Variants in KLF8 observed in about 807,000 individuals in gnomAD.
KLF8 encodes the protein KLF transcription factor 8.
In KLF8, 10 loss-of-function variants were observed where a neutral mutation model predicts 18.2. The ratio of observed to expected loss-of-function variants is 0.55; its 90% CI spans 0.34 to 0.93. The LOEUF is 0.93. Ranked by LOEUF, KLF8 falls within the 40% of genes least tolerant of loss-of-function variation. The probability of loss-of-function intolerance (pLI) is 0.02; values close to 1 mark genes in which losing one functional copy is unlikely to be tolerated. For synonymous variants in KLF8, 109 were observed against 97.3 expected, an observed-to-expected ratio of 1.12 and a Z score of -0.71; for missense variants, 264 against 277.9, an observed-to-expected ratio of 0.95 and a Z score of 0.36.
chrX:56,114,287 A>C, the KLF8 span, among the ~76,000 whole-genome samples: 3 of 112,370 alleles, frequency 2.7e-5, no homozygotes, highest in Non-Finnish European at 3.8e-5. Context: ...CGGTCATCTT[A>C]GGCCATCTCC....
At chrX:55,984,391 G>A in the KLF8 span, among the ~76,000 whole-genome samples, 1 of 111,447 alleles carries the variant, frequency 9.0e-6, no homozygotes, top group Non-Finnish European at 1.9e-5. Context: ...AGTTTGCTGA[G>A]GATAATGGCT....
chrX:56,255,921 T>C (rs1009911607), intron 2 of KLF8, among the ~76,000 whole-genome samples: 2 of 111,608 alleles, frequency 1.8e-5, no homozygotes, highest in African/African-American at 6.5e-5. Context: ...TGGAAATAGT[T>C]CCTCCTCTAT....
chrX:56,117,992 G>A, the KLF8 span, among the ~76,000 whole-genome samples: 3 of 111,658 alleles, frequency 2.7e-5, no homozygotes, highest in Non-Finnish European at 5.6e-5. Flanking sequence ...GAAGGGGCAA[G>A]CAACCTCTCT....
chrX:56,056,542 T>C, the KLF8 span, among the ~76,000 whole-genome samples: 8 of 100,454 alleles, frequency 8.0e-5, no homozygotes, highest in Admixed American at 2.2e-4. Flanking sequence ...AGTAAACTAT[T>C]GCAAGAACAA....
At chrX:56,154,819 G>A in the KLF8 span, among the ~76,000 whole-genome samples, 11 of 111,906 alleles carry the variant, frequency 9.8e-5, no homozygotes, top group African/African-American at 3.6e-4. Flanking sequence ...CTTCTCAAAA[G>A]AAGACATTTA....
At chrX:56,074,533 T>G in the KLF8 span, 1 of 112,499 alleles carries the variant, frequency 8.9e-6, no homozygotes, top group East Asian at 2.8e-4. Context: ...GTACCATTTA[T>G]TGAAAAGATT....
the KLF8 span, among the ~76,000 whole-genome samples, chrX:55,944,223 T>C: frequency 9.2e-6 from 1 of 108,752 alleles, no homozygotes; most frequent in Admixed American, 9.9e-5. Context: ...TGCTGCTGGA[T>C]TCGGTTTGCC....
chrX:56,059,546 G>A, the KLF8 span, among the ~76,000 whole-genome samples: 1 of 111,826 alleles, frequency 8.9e-6, no homozygotes, highest in Admixed American at 9.5e-5. Context: ...TGTAAGGAAG[G>A]GGTCCAGTTT....
chrX:56,118,737 T>A, the KLF8 span, among the ~76,000 whole-genome samples: 1 of 112,058 alleles, frequency 8.9e-6, no homozygotes, highest in African/African-American at 3.2e-5. Context: ...GAAAAACTTC[T>A]TCTGGGTGAT....
chrX:56,065,734 G>T, the KLF8 span, among the ~76,000 whole-genome samples: 1 of 111,474 alleles, frequency 9.0e-6, no homozygotes, highest in Non-Finnish European at 1.9e-5. Flanking sequence ...TTATGTTGTT[G>T]GTTGGGTAGG....
chrX:56,210,656 A>G, the KLF8 span, among the ~76,000 whole-genome samples: 1 of 110,391 alleles, frequency 9.1e-6, no homozygotes, highest in Non-Finnish European at 1.9e-5. Flanking sequence ...CCTCTTCTTT[A>G]AGGCCAGTTA....
the KLF8 span, among the ~76,000 whole-genome samples, chrX:55,980,861 A>G: frequency 8.9e-6 from 1 of 112,267 alleles, no homozygotes; most frequent in Non-Finnish European, 1.9e-5. Flanking sequence ...CCTCCATAGC[A>G]TATGACCTCC....
the KLF8 span, among the ~76,000 whole-genome samples, chrX:55,916,749 G>T: frequency 1.8e-5 from 2 of 111,941 alleles, no homozygotes; most frequent in African/African-American, 6.5e-5. Flanking sequence ...TTTCCCGTTT[G>T]TGGGTCCCCT....
the KLF8 span, among the ~76,000 whole-genome samples, chrX:56,070,302 G>A: frequency 9.0e-6 from 1 of 111,010 alleles, no homozygotes; most frequent in African/African-American, 3.3e-5. Context: ...AATGCATGTG[G>A]GGCTTAAAAC....
the KLF8 span, among the ~76,000 whole-genome samples, chrX:56,096,319 T>C: frequency 9.0e-6 from 1 of 110,725 alleles, no homozygotes; most frequent in Non-Finnish European, 1.9e-5. Context: ...GGCATGAGGG[T>C]TGAAAAATTA....
intron 5 of KLF8, among the ~76,000 whole-genome samples, chrX:56,273,920 A>G (rs1236872732): frequency 8.9e-6 from 1 of 112,336 alleles, no homozygotes; most frequent in Non-Finnish European, 1.9e-5. Flanking sequence ...TTATCCATTC[A>G]TCTGTTGATG....
the KLF8 span, among the ~76,000 whole-genome samples, chrX:56,092,942 G>GA: frequency 4.0e-5 from 4 of 101,036 alleles, no homozygotes; most frequent in African/African-American, 7.1e-5. Context: ...AAACAGCTGA[G>GA]AAAAAAAATC....
At chrX:55,916,635 T>C in the KLF8 span, among the ~76,000 whole-genome samples, 1 of 111,578 alleles carries the variant, frequency 9.0e-6, no homozygotes, top group African/African-American at 3.3e-5. Flanking sequence ...GGAGAGCAGC[T>C]GATACCAATG....
At chrX:56,240,736 A>T (rs1464075800) in intron 1 of KLF8, among the ~76,000 whole-genome samples, 2 of 111,299 alleles carry the variant, frequency 1.8e-5, no homozygotes, top group African/African-American at 6.5e-5. Context: ...ACTTTAAGGA[A>T]AAAAAAAGAG....
Sources: gnomAD v4.1 joint callset for allele counts (sites outside exome capture counted in the v4.1 genomes callset) on GRCh38, gnomAD v4.1.1 for gene constraint, MANE v1.5 for transcripts, NCBI Gene and HGNC (gene_info 2026-07-23, HGNC 2026-07-21) for gene names.